HTR2C: variants seen among roughly 807,000 people sequenced by gnomAD.
The protein encoded by HTR2C is 5-hydroxytryptamine receptor 2C, also known as 5-hydroxytryptamine (serotonin) receptor 2C, G protein-coupled.
A neutral mutation model predicts 21.0 loss-of-function variants in HTR2C; 5 were observed. The observed-to-expected ratio is 0.24, with a 90% CI of 0.12 to 0.50. The LOEUF (loss-of-function observed/expected upper bound fraction) is 0.50. Among genes scored for constraint, HTR2C ranks in the 20% least tolerant of loss-of-function variants. The pLI, the probability that HTR2C is intolerant of heterozygous loss-of-function variation, is 0.98. For synonymous variants in HTR2C, 150 were observed against 145.3 expected, an observed-to-expected ratio of 1.03 and a Z score of -0.23; for missense variants, 271 against 371.2, an observed-to-expected ratio of 0.73 and a Z score of 2.22.
Position 114,900,096 on chromosome X carries a change from T to C in HTR2C, c.551-6493T>C, listed in dbSNP as rs143953902. On this transcript the variant is annotated intron_variant, in intron 5 of 5. Coordinates refer to ENST00000276198, the MANE Select transcript of HTR2C (RefSeq NM_000868.4). ...AGCTTTATTTTAATGGGTTTCAAAA[T>C]TCTGTAACAGATTTTTGGTCAGGGC... 5.6e-3 allele frequency among the ~76,000 whole-genome samples: 622 copies of C among 111,649 alleles called. 4 individuals carry two copies. The highest frequency in any genetic ancestry group is 0.019 in the Middle Eastern group (4 of 216).
In HTR2C at chrX:114,590,827, G is replaced by C. The variant is rs1366533177; in HGVS notation, c.-147+6168G>C. On this transcript the variant is annotated intron_variant, in intron 1 of 5. Coordinates refer to ENST00000276198, the MANE Select transcript of HTR2C (RefSeq NM_000868.4). Reference sequence around the variant, plus strand: ...CCATTATATATACATATATGAGAGAGAGACCATTTCATTGACCACATGCAT... The same window carrying C: ...CCATTATATATACATATATGAGAGACAGACCATTTCATTGACCACATGCAT... Among the ~76,000 whole-genome samples, 13 of 111,779 alleles carry C rather than the reference G, an allele frequency of 1.2e-4. 1 individual carries two copies. Among genetic ancestry groups the C allele is most frequent in the Non-Finnish European group, 2.3e-4 (12 of 53,111 alleles).
At chrX:114,904,686 A>AT (rs1399249682) in intron 5 of HTR2C, among the ~76,000 whole-genome samples, 1 of 111,119 alleles carries the variant, frequency 9.0e-6, no homozygotes, top group Non-Finnish European at 1.9e-5. Flanking sequence ...TCTCTTGTAA[A>AT]TTTTTTTAAA....
In HTR2C at chrX:114,726,960, G is replaced by A. The variant is rs782363497; in HGVS notation, c.24G>A (p.Val8=). Residue 8 remains valine (V), a synonymous_variant, in exon 3 of 6, where the codon GTG becomes GTA. Coordinates refer to ENST00000276198, the MANE Select transcript of HTR2C (RefSeq NM_000868.4). MVNLRNA[V]HSFLVHLIGL... ...TCATGGTGAACCTGAGGAATGCGGT[G>A]CATTCATTCCTGTAAGGATGTTACT... is the stretch of plus-strand genomic sequence containing the variant. 19 of 1,112,246 alleles carry A rather than the reference G, an allele frequency of 1.7e-5. No homozygotes were observed. Among genetic ancestry groups the A allele is most frequent in the Non-Finnish European group, 2.0e-5 (17 of 838,043 alleles). 91.7% of individuals were successfully genotyped at this position (1,112,246 alleles called of 1,213,427 possible).
At chrX:114,781,548 T>G (rs1171353729) in intron 4 of HTR2C, among the ~76,000 whole-genome samples, 1 of 109,572 alleles carries the variant, frequency 9.1e-6, no homozygotes, top group Non-Finnish European at 1.9e-5. Flanking sequence ...TCGCCCACTT[T>G]GGAGTGCAGT....
chrX:114,827,667 G>C (rs999471203), intron 4 of HTR2C, among the ~76,000 whole-genome samples: 1 of 110,603 alleles, frequency 9.0e-6, no homozygotes, highest in African/African-American at 3.3e-5. Flanking sequence ...TCCTAGTTTA[G>C]AGAGACTTGT....
At chrX:114,744,755 C>T (rs58003411) in intron 4 of HTR2C, among the ~76,000 whole-genome samples, 6,404 of 111,428 alleles carry the variant, frequency 0.057, 475 homozygotes, top group African/African-American at 0.2. Context: ...CTCAGCCCCC[C>T]AAAGCTCATT....
chrX:114,826,928 A>G (rs1364148437), intron 4 of HTR2C, among the ~76,000 whole-genome samples: 1 of 110,155 alleles, frequency 9.1e-6, no homozygotes, highest in Non-Finnish European at 1.9e-5. Context: ...CCTAATTCTG[A>G]TTTATTATGT....
intron 2 of HTR2C, among the ~76,000 whole-genome samples, chrX:114,669,962 C>T (rs1931311276): frequency 1.8e-5 from 2 of 112,011 alleles, no homozygotes; most frequent in African/African-American, 6.5e-5. Flanking sequence ...TGCTGCCAGA[C>T]GTGGTGGTTC....
At chrX:114,852,722 T>C in intron 5 of HTR2C, among the ~76,000 whole-genome samples, 1 of 110,570 alleles carries the variant, frequency 9.0e-6, no homozygotes, top group Non-Finnish European at 1.9e-5. Flanking sequence ...GGTAAGTTGT[T>C]TCCAACATTT....
Position 114,678,010 on chromosome X carries a change from T to G in HTR2C, c.-79-48848T>G, listed in dbSNP as rs150179749. On this transcript the variant is annotated intron_variant, in intron 2 of 5. Coordinates refer to ENST00000276198, the MANE Select transcript of HTR2C (RefSeq NM_000868.4). Reference sequence around the variant, plus strand: ...GATAGATAAGATCGTTCAGTACTGCTTTGAAACAACGACATTTTATAATAT... The same window carrying G: ...GATAGATAAGATCGTTCAGTACTGCGTTGAAACAACGACATTTTATAATAT... 3.6e-3 allele frequency among the ~76,000 whole-genome samples: 399 copies of G among 110,785 alleles called. 4 individuals are homozygous for G. The highest frequency in any genetic ancestry group is 0.012 in the African/African-American group (378 of 30,459).
intron 4 of HTR2C, among the ~76,000 whole-genome samples, chrX:114,820,825 G>A (rs1364795274): frequency 1.8e-5 from 2 of 110,877 alleles, no homozygotes; most frequent in Non-Finnish European, 3.8e-5. Flanking sequence ...CCAGTCTCGG[G>A]TATGTCTTTA....
chrX:114,640,700 A>G (rs1930063150), intron 2 of HTR2C, among the ~76,000 whole-genome samples: 1 of 112,270 alleles, frequency 8.9e-6, no homozygotes, highest in Non-Finnish European at 1.9e-5. Context: ...AATACAGGGC[A>G]CTATGCTAAG....
chrX:114,764,932 C>T (rs1210458434), intron 4 of HTR2C, among the ~76,000 whole-genome samples: 4,682 of 27,319 alleles, frequency 0.17, 237 homozygotes, highest in East Asian at 0.4. Context: ...TCTTTTCCTT[C>T]CTTCCTTCCT....
At chrX:114,903,114 C>T (rs1337405265) in intron 5 of HTR2C, among the ~76,000 whole-genome samples, 1 of 111,686 alleles carries the variant, frequency 9.0e-6, no homozygotes, top group East Asian at 2.8e-4. Context: ...TTGAATCACA[C>T]TTTGAGAACT....
At chrX:114,837,568 G>A (rs190639073) in intron 4 of HTR2C, among the ~76,000 whole-genome samples, 2 of 110,008 alleles carry the variant, frequency 1.8e-5, no homozygotes, top group East Asian at 2.9e-4. Flanking sequence ...TCTATCTCTG[G>A]CACTTGTTCT....
At chrX:114,682,630 C>T (rs1276066926) in intron 2 of HTR2C, among the ~76,000 whole-genome samples, 1 of 111,227 alleles carries the variant, frequency 9.0e-6, no homozygotes, top group African/African-American at 3.3e-5. Flanking sequence ...TCCTGACATT[C>T]TTCATAGAAA....
At chrX:114,688,261 C>T in intron 2 of HTR2C, among the ~76,000 whole-genome samples, 1 of 103,469 alleles carries the variant, frequency 9.7e-6, no homozygotes, top group East Asian at 3.0e-4. Flanking sequence ...GCAGGGGTTG[C>T]AGTGAGCCGA....
At chrX:114,646,944 G>A (rs782139380) in intron 2 of HTR2C, among the ~76,000 whole-genome samples, 1 of 111,353 alleles carries the variant, frequency 9.0e-6, no homozygotes, top group South Asian at 3.8e-4. Flanking sequence ...CCATTCATAT[G>A]TCTTCTTTTG....
At chrX:114,596,972 C>T (rs965528188) in intron 1 of HTR2C, among the ~76,000 whole-genome samples, 23 of 110,605 alleles carry the variant, frequency 2.1e-4, no homozygotes, top group African/African-American at 6.9e-4. Flanking sequence ...AATTCCAGCA[C>T]TTTGGGAGGC....
Sources: gnomAD v4.1 joint callset for allele counts (sites outside exome capture counted in the v4.1 genomes callset) on GRCh38, gnomAD v4.1.1 for gene constraint, MANE v1.5 for transcripts, NCBI Gene and HGNC (gene_info 2026-07-23, HGNC 2026-07-21) for gene names.